The following DHX32 variants were observed in gnomAD, a reference collection of about 807,000 sequenced individuals.
The protein encoded by DHX32 is putative pre-mRNA-splicing factor ATP-dependent RNA helicase DHX32.
DHX32 carries 51 observed loss-of-function variants against 70.0 expected under a neutral mutation model. The ratio of observed to expected loss-of-function variants is 0.73; its 90% confidence interval spans 0.58 to 0.92. The LOEUF (loss-of-function observed/expected upper bound fraction) is 0.92, where lower values mean the gene tolerates loss of function less well. DHX32 is among the 40% of genes least tolerant of loss of function. DHX32 has a pLI of 0.00. For synonymous variants in DHX32, 310 were observed against 315.3 expected, an observed-to-expected ratio of 0.98 and a Z score of 0.18; for missense variants, 762 against 891.8, an observed-to-expected ratio of 0.85 and a Z score of 1.85.
rs189676197 is a variant in DHX32 at position 125,875,120 on chromosome 10, G to A, written c.282+5423C>T. Among the ~76,000 whole-genome samples, 338 of 152,266 alleles carry A rather than the reference G, an allele frequency of 2.2e-3. 1 individual carries two copies. Among genetic ancestry groups the A allele is most frequent in the African/African-American group, 7.8e-3 (326 of 41,560 alleles). On this transcript the variant is annotated intron_variant, in intron 1 of 10. Coordinates refer to ENST00000284690, the MANE Select transcript of DHX32 (RefSeq NM_018180.3). ...TGTAGTCCCAGCTACTCTAAAGGCT[G>A]AGGTGGGAGGATCACTTGAGCCCAG...
chr10:125,851,200 C>T (rs1048774719), intron 6 of DHX32, among the ~76,000 whole-genome samples: 7 of 152,190 alleles, frequency 4.6e-5, no homozygotes, highest in South Asian at 2.1e-4. Context: ...GCAGCAGCTG[C>T]GAGCATCTTT....
chr10:125,843,043 AC>A (rs1854924358), intron 6 of DHX32, among the ~76,000 whole-genome samples: 2 of 152,170 alleles, frequency 1.3e-5, no homozygotes, highest in African/African-American at 2.4e-5. Flanking sequence ...TTAAATAAAT[AC>A]ATGTGTTTTG....
chr10:125,839,153 T>G lies in DHX32; in HGVS notation c.1729A>C (p.Asn577His). ...TCTGCCATTCTGAGTGCTGAACAGT[T>G]GAGGAAGTAATCACGACACCACTTT... Reference protein sequence around the residue: ...VEKWCRDYFLNCSALRMADVI... With the variant: ...VEKWCRDYFLHCSALRMADVI... The change falls in exon 9 of 11, where the codon AAC (asparagine) becomes CAC (histidine). Residue 577 changes from asparagine (N) to histidine (H), a missense_variant. Asn to His is a moderately conservative substitution (Grantham distance 68). Transcript: ENST00000284690. 6.2e-7 allele frequency: 1 copy of G among 1,614,206 alleles called. No individual in the cohort carries two copies. The highest frequency in any genetic ancestry group is 8.5e-7 in the Non-Finnish European group (1 of 1,180,034).
At chr10:125,846,078 ACTATCGGC>A (rs1415397972) in intron 6 of DHX32, among the ~76,000 whole-genome samples, 2 of 152,190 alleles carry the variant, frequency 1.3e-5, no homozygotes, top group East Asian at 3.9e-4. Context: ...TCTGGGGAAG[ACTATCGGC>A]CTTCTAGAGG....
At chr10:125,867,703 G>C (rs7100119) in intron 1 of DHX32, among the ~76,000 whole-genome samples, 1 of 144,650 alleles carries the variant, frequency 6.9e-6, no homozygotes, top group African/African-American at 2.6e-5. Flanking sequence ...GCCACTGCAC[G>C]CCAGCCTGGG....
At chr10:125,860,143 C>CAA (rs1270015356) in intron 2 of DHX32, among the ~76,000 whole-genome samples, 168 bp from the exon 3 acceptor site, 1 of 151,832 alleles carries the variant, frequency 6.6e-6, no homozygotes, top group Admixed American at 6.6e-5. Context: ...AATTATAGCA[C>CAA]AAAAAAACAC....
chr10:125,882,069 T>C (rs954864728), upstream of DHX32, among the ~76,000 whole-genome samples: 5 of 152,202 alleles, frequency 3.3e-5, no homozygotes, highest in Admixed American at 3.3e-4. Context: ...ACTTTTAATT[T>C]AAATGAAGAA....
At chr10:125,852,719 G>A (rs1944108007) in intron 4 of DHX32, 77 bp from the exon 5 acceptor site, 1 of 1,302,800 alleles carries the variant, frequency 7.7e-7, no homozygotes, top group East Asian at 2.3e-5. Flanking sequence ...AAGAGAATAT[G>A]CTGCGCAGTA....
At chr10:125,865,728 T>A (rs945149283) in intron 2 of DHX32, among the ~76,000 whole-genome samples, 5 of 152,170 alleles carry the variant, frequency 3.3e-5, no homozygotes, top group African/African-American at 1.2e-4. Context: ...GAGATCTCAC[T>A]GTGTTGCCTA....
At chr10:125,837,831 C>T (rs1482095236) in intron 10 of DHX32, among the ~76,000 whole-genome samples, 3 of 152,188 alleles carry the variant, frequency 2.0e-5, no homozygotes, top group East Asian at 1.9e-4. Flanking sequence ...CTGGTGCCTG[C>T]CTCTCTCTTC....
intron 10 of DHX32, among the ~76,000 whole-genome samples, chr10:125,838,004 CT>C (rs1364216951): frequency 2.6e-5 from 4 of 152,142 alleles, no homozygotes; most frequent in Non-Finnish European, 4.4e-5. Flanking sequence ...TCTACACTGT[CT>C]TTTCTATGCT....
intron 1 of DHX32, among the ~76,000 whole-genome samples, chr10:125,867,769 GAAAAA>G (rs60581666): frequency 6.9e-6 from 1 of 144,922 alleles, no homozygotes; most frequent in Non-Finnish European, 1.5e-5. Flanking sequence ...GGACAAAAAT[GAAAAA>G]AAAAATACTT....
rs1854692175 is a variant in DHX32, at chr10:125,836,575, A to G, written c.*112T>C. On this transcript the variant is annotated 3_prime_UTR_variant, in exon 11 of 11. Transcript: ENST00000284690. ...AATATACACAGTGTTATTTTCTTCA[A>G]GACCGTCCTGTGGATGTGAAATCCG... 1.4e-6 allele frequency: 2 copies of G among 1,411,386 alleles called. No individual in the cohort carries two copies. Among genetic ancestry groups the G allele is most frequent in the South Asian group, 1.5e-5 (1 of 65,894 alleles). 87.4% of individuals were successfully genotyped at this position (1,411,386 alleles called of 1,614,324 possible). A position where few individuals can be genotyped will look rare whatever the true frequency, so the allele number is the denominator to read the frequency against.
chr10:125,852,270 C>CT, intron 6 of DHX32, 23 bp downstream of exon 6: 4 of 1,609,426 alleles, frequency 2.5e-6, no homozygotes, highest in Non-Finnish European at 3.4e-6. Flanking sequence ...TAATGCCTGG[C>CT]TGACATGGGA....
At chr10:125,836,928 G>A (rs974688124) in intron 10 of DHX32, 73 bp from the exon 11 acceptor site, 84 of 1,348,014 alleles carry the variant, frequency 6.2e-5, no homozygotes, top group South Asian at 3.2e-4. Context: ...TTATGTCTGG[G>A]CACTTCCCAT....
chr10:125,868,214 T>G (rs117716208), intron 1 of DHX32, among the ~76,000 whole-genome samples: 3,008 of 152,350 alleles, frequency 0.02, 34 homozygotes, highest in South Asian at 0.033. Context: ...TTTATCACAT[T>G]CATTTGTACA....
At chr10:125,870,839 A>C (rs1415415529) in intron 1 of DHX32, among the ~76,000 whole-genome samples, 1 of 152,150 alleles carries the variant, frequency 6.6e-6, no homozygotes, top group Non-Finnish European at 1.5e-5. Flanking sequence ...TCTGTCTCAA[A>C]AAAATAAAAA....
chr10:125,853,016 A>C, intron 4 of DHX32: 1 of 807,440 alleles, frequency 1.2e-6, no homozygotes, highest in Non-Finnish European at 2.0e-6. Context: ...GTTTTGTTCA[A>C]ATCAACCAGG....
intron 2 of DHX32, among the ~76,000 whole-genome samples, chr10:125,863,764 TTAAA>T (rs751161975): frequency 6.6e-6 from 1 of 152,190 alleles, no homozygotes; most frequent in Non-Finnish European, 1.5e-5. Context: ...ATGATCAATG[TTAAA>T]TCCTCTGATT....
Sources: allele counts gnomAD v4.1 joint callset (sites outside exome capture counted in the v4.1 genomes callset), GRCh38; gene constraint gnomAD v4.1.1; transcripts MANE v1.5; gene names NCBI Gene and HGNC (gene_info 2026-07-23, HGNC 2026-07-21).